The following GRIP1 variants were observed in gnomAD, a reference collection of about 807,000 sequenced individuals.
GRIP1 encodes glutamate receptor interacting protein 1, also known as glutamate receptor-interacting protein 1.
GRIP1 carries 45 observed loss-of-function variants against 129.9 expected under a neutral mutation model. The ratio of observed to expected loss-of-function variants is 0.35; its 90% CI spans 0.27 to 0.44. GRIP1 has a LOEUF of 0.44. Ranked by LOEUF, GRIP1 falls within the 20% of genes least tolerant of loss-of-function variation. The probability of loss-of-function intolerance (pLI) is 1.00; values close to 1 mark genes in which losing one functional copy is unlikely to be tolerated. For missense variants in GRIP1, 1,196 were observed against 1,396.8 expected, an observed-to-expected ratio of 0.86 and a Z score of 2.29; for synonymous variants, 530 against 520.8, an observed-to-expected ratio of 1.02 and a Z score of -0.24.
chr12:66,348,921 G>A lies in GRIP1; in HGVS notation c.*98C>T, dbSNP rs539958862. The stretch of plus-strand genomic sequence containing the variant: ...CCCCTGTGCTTGCAGTTAATGCCAC[G>A]TTGATTGATTATCTGTGCTTCAAAG... On this transcript the variant is annotated 3_prime_UTR_variant, in exon 25 of 25. Transcript: ENST00000359742. 7 of 879,598 alleles carry A rather than the reference G, an allele frequency of 8.0e-6. No individual in the cohort carries two copies. The highest frequency in any genetic ancestry group is 1.6e-5 in the African/African-American group (1 of 60,966). The allele number at this position is 879,598 out of a possible 1,614,324, so 54.5% of individuals were successfully genotyped here.
At chr12:66,613,231 G>A (rs1387008957) in intron 1 of GRIP1, among the ~76,000 whole-genome samples, 4 of 152,130 alleles carry the variant, frequency 2.6e-5, no homozygotes, top group Non-Finnish European at 5.9e-5. Context: ...CACTTTAATA[G>A]GGCCCTAGTG....
chr12:66,680,373 G>A (rs1378428131), upstream of GRIP1, among the ~76,000 whole-genome samples: 1 of 152,062 alleles, frequency 6.6e-6, no homozygotes, highest in East Asian at 1.9e-4. Flanking sequence ...GAGTCCAATA[G>A]AAAAATAATT....
chr12:66,884,191 C>T (rs1259956332), intron 1 of GRIP1, among the ~76,000 whole-genome samples: 3 of 152,210 alleles, frequency 2.0e-5, no homozygotes, highest in Non-Finnish European at 4.4e-5. Context: ...GCTTAACCTA[C>T]GTATTTTGTT....
At chr12:66,715,903 A>T (rs2035873541) in intron 1 of GRIP1, among the ~76,000 whole-genome samples, 1 of 151,938 alleles carries the variant, frequency 6.6e-6, no homozygotes, top group Non-Finnish European at 1.5e-5. Flanking sequence ...TACCCCTTTG[A>T]CCGAAAGAAG....
intron 1 of GRIP1, among the ~76,000 whole-genome samples, chr12:66,628,228 G>A (rs978593052): frequency 6.6e-6 from 1 of 152,150 alleles, no homozygotes; most frequent in Non-Finnish European, 1.5e-5. Flanking sequence ...ACAGATACCA[G>A]AGAACATGGC....
At chr12:66,669,280 C>T (rs979032186) in intron 1 of GRIP1, among the ~76,000 whole-genome samples, 2 of 151,942 alleles carry the variant, frequency 1.3e-5, no homozygotes, top group Admixed American at 6.5e-5. Flanking sequence ...CCCAGCTACT[C>T]GGGAGGCTGA....
intron 4 of GRIP1, 122 bp from the exon 5 acceptor site, chr12:66,530,036 C>A: frequency 1.5e-6 from 1 of 684,432 alleles, no homozygotes; most frequent in East Asian, 2.7e-5. Flanking sequence ...TAATAAGCAA[C>A]AATTCCTTTT....
intron 1 of GRIP1, among the ~76,000 whole-genome samples, chr12:67,060,847 G>A (rs6581734): frequency 0.96 from 141,001 of 146,734 alleles, 68,036 homozygotes; most frequent in East Asian, 1. Context: ...AAAAAAAAAT[G>A]TGTTGGCAGT....
intron 1 of GRIP1, among the ~76,000 whole-genome samples, chr12:66,932,056 C>T (rs2041404468): frequency 6.6e-6 from 1 of 151,906 alleles, no homozygotes; most frequent in South Asian, 2.1e-4. Context: ...AGTAATAAGC[C>T]ATTAAATATT....
chr12:66,911,377 T>A (rs940317001), intron 1 of GRIP1, among the ~76,000 whole-genome samples: 1 of 152,210 alleles, frequency 6.6e-6, no homozygotes, highest in Non-Finnish European at 1.5e-5. Flanking sequence ...TTGCAAAGTA[T>A]ACACAGAGTC....
intron 1 of GRIP1, among the ~76,000 whole-genome samples, chr12:67,028,590 T>A (rs1250017698): frequency 6.6e-6 from 1 of 152,218 alleles, no homozygotes; most frequent in Admixed American, 6.5e-5. Flanking sequence ...GTTTTAAGAA[T>A]GCTTTTTATT....
At chr12:66,985,411 ATAAAT>A (rs1436997249) in intron 1 of GRIP1, among the ~76,000 whole-genome samples, 5 of 152,344 alleles carry the variant, frequency 3.3e-5, no homozygotes, top group East Asian at 1.9e-4. Context: ...CAATAAATAA[ATAAAT>A]TAAATAAGTG....
chr12:66,562,790 A>G (rs2062586354), intron 2 of GRIP1, among the ~76,000 whole-genome samples: 1 of 152,156 alleles, frequency 6.6e-6, no homozygotes, highest in Non-Finnish European at 1.5e-5. Flanking sequence ...GACTATCCCA[A>G]AACTTAACTA....
rs142606209 is a variant in GRIP1, at chr12:66,692,434, G to C, written c.-419-62098C>G. On this transcript the variant is annotated intron_variant, in intron 1 of 4. Transcript: ENST00000538373. ...CTTACAACTCTTTGATTGCTGTGATGACAGGCAGGGCCAAACTAGTCAGGA... is the reference window on the plus strand; with the variant it reads ...CTTACAACTCTTTGATTGCTGTGATCACAGGCAGGGCCAAACTAGTCAGGA... Among the ~76,000 whole-genome samples the C allele has an allele frequency of 3.0e-3, 461 of 152,236 alleles. 2 individuals carry two copies. The highest frequency in any genetic ancestry group is 0.011 in the African/African-American group (437 of 41,532).
chr12:66,486,140 A>T (rs2059948831), intron 7 of GRIP1, among the ~76,000 whole-genome samples: 1 of 152,114 alleles, frequency 6.6e-6, no homozygotes, highest in Admixed American at 6.5e-5. Context: ...TTCAGCAAAA[A>T]GTAAAGCTCA....
At chr12:66,729,229 T>A (rs531630663) in intron 1 of GRIP1, among the ~76,000 whole-genome samples, 2 of 152,012 alleles carry the variant, frequency 1.3e-5, no homozygotes, top group African/African-American at 2.4e-5. Context: ...AGGCCTAAAT[T>A]TGATGGAAAA....
At chr12:66,433,110 T>G (rs2058199109) in intron 13 of GRIP1, among the ~76,000 whole-genome samples, 3 of 152,080 alleles carry the variant, frequency 2.0e-5, no homozygotes, top group Admixed American at 2.0e-4. Flanking sequence ...TATTTATTGT[T>G]TGAAGGTACC....
intron 1 of GRIP1, among the ~76,000 whole-genome samples, chr12:66,978,302 T>C (rs1409950876): frequency 6.6e-6 from 1 of 152,138 alleles, no homozygotes; most frequent in Non-Finnish European, 1.5e-5. Context: ...AAAAAATAAC[T>C]AAAAAGCACT....
chr12:66,913,821 A>C (rs886237608), intron 1 of GRIP1, among the ~76,000 whole-genome samples: 7 of 152,230 alleles, frequency 4.6e-5, no homozygotes, highest in African/African-American at 1.7e-4. Flanking sequence ...GAATGACATT[A>C]AAATATTATA....
Sources: gnomAD v4.1 joint callset for allele counts (sites outside exome capture counted in the v4.1 genomes callset) on GRCh38, gnomAD v4.1.1 for gene constraint, MANE v1.5 for transcripts, NCBI Gene and HGNC (gene_info 2026-07-23, HGNC 2026-07-21) for gene names.